The following PLEKHA1 variants were observed in gnomAD, a reference collection of about 807,000 sequenced individuals.
PLEKHA1 encodes the protein pleckstrin homology domain-containing family A member 1.
A neutral mutation model predicts 52.0 loss-of-function variants in PLEKHA1; 34 were observed. That is an observed-to-expected ratio of 0.65 (90% confidence interval 0.50 to 0.87). The LOEUF is 0.87. Among genes scored for constraint, PLEKHA1 ranks in the 40% least tolerant of loss-of-function variants. The pLI is 0.00. For missense variants in PLEKHA1, 497 were observed against 504.2 expected (o/e 0.99, Z 0.14); for synonymous variants, 163 against 170.7 (o/e 0.95, Z 0.35).
intron 1 of PLEKHA1, among the ~76,000 whole-genome samples, chr10:122,378,911 T>C (rs1031213247): frequency 3.3e-5 from 5 of 152,162 alleles, no homozygotes; most frequent in African/African-American, 9.7e-5. Context: ...GGTAAGCTCC[T>C]GGGATACTTC....
chr10:122,417,082 A>G (rs2097186570), intron 7 of PLEKHA1: 1 of 152,830 alleles, frequency 6.5e-6, no homozygotes, highest in East Asian at 1.9e-4. Context: ...CTTAAGTCCA[A>G]AATACCAGTC....
At position 122,393,388 on chromosome 10, in the gene PLEKHA1, AT is replaced by A; in HGVS notation, c.141+50del. On this transcript the variant is annotated intron_variant, in intron 2 of 11. Coordinates refer to ENST00000368990, the MANE Select transcript of PLEKHA1 (RefSeq NM_001001974.4). The surrounding 1 kb of genome is among the most constrained non-coding windows in gnomAD (Gnocchi z 4.5). Reference sequence around the variant, plus strand: ...ATCTTTTAAAAGCACAGAAAGTTGTATTTAAGTATTTAACATACTATACAGG... The same window carrying A: ...ATCTTTTAAAAGCACAGAAAGTTGTATTAAGTATTTAACATACTATACAGG... 6.5e-7 allele frequency: 1 copy of A among 1,535,630 alleles called. No individual in the cohort carries two copies. The highest frequency in any genetic ancestry group is 8.7e-7 in the Non-Finnish European group (1 of 1,143,316).
intron 5 of PLEKHA1, among the ~76,000 whole-genome samples, chr10:122,408,438 A>G (rs1470003581): frequency 1.3e-5 from 2 of 152,160 alleles, no homozygotes; most frequent in Admixed American, 1.3e-4. Context: ...GTGGTCTTGC[A>G]ATTTTATTTT....
chr10:122,415,437 T>C (rs2097160236), intron 6 of PLEKHA1, among the ~76,000 whole-genome samples: 1 of 152,218 alleles, frequency 6.6e-6, no homozygotes, highest in Non-Finnish European at 1.5e-5. Flanking sequence ...GATGAATGTA[T>C]GTAAAACTGG....
intron 5 of PLEKHA1, among the ~76,000 whole-genome samples, chr10:122,408,608 T>C (rs1040998724): frequency 6.6e-6 from 1 of 152,162 alleles, no homozygotes; most frequent in Non-Finnish European, 1.5e-5. Flanking sequence ...ATAGATTTGA[T>C]AGTACTTATT....
chr10:122,408,427 T>C (rs1009178452), intron 5 of PLEKHA1, among the ~76,000 whole-genome samples: 18 of 152,318 alleles, frequency 1.2e-4, no homozygotes, highest in South Asian at 1.0e-3. Flanking sequence ...AAGTAGCTTT[T>C]GTGGTCTTGC....
chr10:122,382,973 C>T (rs955078274), intron 1 of PLEKHA1, among the ~76,000 whole-genome samples: 1 of 152,136 alleles, frequency 6.6e-6, no homozygotes, highest in African/African-American at 2.4e-5. Context: ...TAGGGTTTTA[C>T]CATTTTGCCT....
intron 5 of PLEKHA1, among the ~76,000 whole-genome samples, chr10:122,409,812 G>A (rs916647357): frequency 1.4e-5 from 2 of 147,010 alleles, no homozygotes; most frequent in East Asian, 2.0e-4. Context: ...ACAGAGTCTC[G>A]CTGTGTTGCC....
chr10:122,420,855 A>C (rs1196387768), intron 8 of PLEKHA1: 1 of 152,274 alleles, frequency 6.6e-6, no homozygotes, highest in African/African-American at 2.4e-5. Flanking sequence ...GGTTAGCCCC[A>C]CGCGGAGTAG....
chr10:122,425,946 T>G (rs1378489076), intron 10 of PLEKHA1, among the ~76,000 whole-genome samples: 1 of 152,184 alleles, frequency 6.6e-6, no homozygotes, highest in Non-Finnish European at 1.5e-5. Flanking sequence ...ATATCCTATT[T>G]GTTTCATATA....
chr10:122,418,941 G>A (rs1298596108), intron 8 of PLEKHA1: 1 of 152,212 alleles, frequency 6.6e-6, no homozygotes, highest in Non-Finnish European at 1.5e-5. Context: ...AAGGGCACTA[G>A]CTACATGTAG....
chr10:122,396,026 C>T (rs1026874014), intron 2 of PLEKHA1, among the ~76,000 whole-genome samples: 9 of 151,874 alleles, frequency 5.9e-5, no homozygotes, highest in Admixed American at 2.0e-4. Context: ...CATTTTTTTC[C>T]AGTCGAACCT....
At chr10:122,392,146 T>A (rs1288926725) in intron 1 of PLEKHA1, among the ~76,000 whole-genome samples, 1 of 152,214 alleles carries the variant, frequency 6.6e-6, no homozygotes, top group African/African-American at 2.4e-5. Context: ...AATGGTTTTT[T>A]AACTTTAATC....
intron 6 of PLEKHA1, 121 bp from the exon 7 acceptor site, chr10:122,415,736 ACT>A (rs1463306745): frequency 5.4e-6 from 5 of 933,464 alleles, no homozygotes; most frequent in South Asian, 4.2e-5. Flanking sequence ...TAATTAGAAA[ACT>A]CTTCAAAAAT....
chr10:122,414,150 C>G (rs566601264), intron 6 of PLEKHA1, among the ~76,000 whole-genome samples: 1 of 151,976 alleles, frequency 6.6e-6, no homozygotes, highest in African/African-American at 2.4e-5. Context: ...AACTGTTAAC[C>G]TTCTGGTTAC....
chr10:122,419,366 C>T (rs1477080799), intron 8 of PLEKHA1: 1 of 152,204 alleles, frequency 6.6e-6, no homozygotes, highest in East Asian at 1.9e-4. Flanking sequence ...CAAGAAATGC[C>T]ATTTTAGTAT....
chr10:122,435,101 T>C (rs1360424810), downstream of PLEKHA1: 1 of 152,200 alleles, frequency 6.6e-6, no homozygotes, highest in Non-Finnish European at 1.5e-5. Flanking sequence ...CTAGTTGCAG[T>C]TCAGGAATTT....
intron 8 of PLEKHA1, chr10:122,419,084 A>G (rs1320276174): frequency 2.0e-5 from 3 of 152,192 alleles, no homozygotes; most frequent in African/African-American, 7.2e-5. Context: ...TAGGAAGGGG[A>G]TATTTTAAGA....
chr10:122,441,985 A>G, the PLEKHA1 span: 8 of 152,250 alleles, frequency 5.3e-5, no homozygotes, highest in Non-Finnish European at 1.0e-4. Context: ...TGTCCTTCAC[A>G]GTTTTTGTAG....
Sources: gnomAD v4.1 joint callset for allele counts (sites outside exome capture counted in the v4.1 genomes callset) on GRCh38, gnomAD v4.1.1 for gene constraint, Gnocchi (gnomAD v3.1) non-coding constraint, MANE v1.5 for transcripts, NCBI Gene and HGNC (gene_info 2026-07-23, HGNC 2026-07-21) for gene names.